IGSF9B: variants seen among roughly 807,000 people sequenced by gnomAD.
IGSF9B encodes the protein immunoglobulin superfamily member 9B.
In IGSF9B, 48 loss-of-function variants were observed where a neutral mutation model predicts 143.7. The observed-to-expected ratio is 0.33, with a 90% CI of 0.26 to 0.42. IGSF9B has a LOEUF of 0.42. Ranked by LOEUF, IGSF9B falls within the 20% of genes least tolerant of loss-of-function variation. The pLI, the probability that IGSF9B is intolerant of heterozygous loss-of-function variation, is 1.00. For missense variants in IGSF9B, 1,706 were observed against 1,980.0 expected (o/e 0.86, Z 2.63); for synonymous variants, 903 against 833.1 (o/e 1.08, Z -1.44).
rs1013665580 is a variant in IGSF9B at position 133,906,316 on chromosome 11, G to C, written c.*2753C>G. Reference sequence around the variant, plus strand: ...TCACCCTCTATCCACGGAGGGAACTGCGTTCCACCAATCCCATCGCCGTCC... The same window carrying C: ...TCACCCTCTATCCACGGAGGGAACTCCGTTCCACCAATCCCATCGCCGTCC... On this transcript the variant is annotated 3_prime_UTR_variant, in exon 20 of 20. Transcript: ENST00000533871. Among the ~76,000 whole-genome samples the C allele has an allele frequency of 2.2e-4, 33 of 152,224 alleles. No individual in the cohort carries two copies. Among genetic ancestry groups the C allele is most frequent in the African/African-American group, 8.0e-4 (33 of 41,452 alleles).
intron 2 of IGSF9B, 24 bp downstream of exon 2, chr11:133,946,037 G>C (rs1055110623): frequency 8.7e-6 from 13 of 1,502,024 alleles, no homozygotes; most frequent in Non-Finnish European, 1.1e-5. Flanking sequence ...GGAAGGTGCG[G>C]GAGACCGGGT....
chr11:133,935,590 C>T, intron 7 of IGSF9B, 27 bp downstream of exon 7: 1 of 1,596,266 alleles, frequency 6.3e-7, no homozygotes, highest in South Asian at 1.1e-5. Context: ...AGCCCCACCA[C>T]CCAGGCTCCC....
At chr11:133,911,500 A>T (rs1363387381) in intron 19 of IGSF9B, among the ~76,000 whole-genome samples, 2 of 152,234 alleles carry the variant, frequency 1.3e-5, no homozygotes, top group Non-Finnish European at 2.9e-5. Context: ...GTGGAAAAAT[A>T]GATCTGTACT....
intron 4 of IGSF9B, 115 bp downstream of exon 4, chr11:133,937,694 CT>C (rs1246350076): frequency 7.5e-7 from 1 of 1,329,220 alleles, no homozygotes; most frequent in East Asian, 2.5e-5. Context: ...CAGGCTACGG[CT>C]TTCCAGCCTC....
At chr11:133,943,754 C>A (rs1455923883) in intron 3 of IGSF9B, among the ~76,000 whole-genome samples, 1 of 152,174 alleles carries the variant, frequency 6.6e-6, no homozygotes, top group Non-Finnish European at 1.5e-5. Context: ...CACACTACAC[C>A]CTTGGTACAT....
At chr11:133,955,703 G>C (rs1172199041) in intron 1 of IGSF9B, among the ~76,000 whole-genome samples, 3 of 152,238 alleles carry the variant, frequency 2.0e-5, no homozygotes, top group Non-Finnish European at 4.4e-5. Context: ...CAAGGGCCGA[G>C]AGCCGGGGGT....
chr11:133,937,681 A>G, intron 4 of IGSF9B, 129 bp downstream of exon 4: 2 of 1,230,584 alleles, frequency 1.6e-6, no homozygotes, highest in Non-Finnish European at 2.3e-6. Flanking sequence ...CCTGCAGCTG[A>G]GCCAGGCTAC....
chr11:133,956,509 G>A (rs1053550565), intron 1 of IGSF9B, among the ~76,000 whole-genome samples, 182 bp downstream of exon 1: 2 of 95,044 alleles, frequency 2.1e-5, no homozygotes, highest in South Asian at 8.7e-4. Flanking sequence ...ACGGCCCCCA[G>A]GCCCTCCCCG....
At position 133,920,905 on chromosome 11, in the gene IGSF9B, G is replaced by A. The variant is rs199607489; in HGVS notation, c.2820C>T (p.Pro940=). 3,070 of 1,608,496 alleles carry A rather than the reference G, an allele frequency of 1.9e-3. 8 individuals are homozygous for A. Among genetic ancestry groups the A allele is most frequent in the Non-Finnish European group, 1.7e-3 (2,009 of 1,177,728 alleles). ...PRFQPRGLEG[P]GGLEGRLQAT... is the part of the protein sequence containing the mutation. ...CCTGAAGCCGACCTTCCAGGCCACCGGGGCCCTCCAGCCCGCGGGGCTGGA... is the reference window on the plus strand; with the variant it reads ...CCTGAAGCCGACCTTCCAGGCCACCAGGGCCCTCCAGCCCGCGGGGCTGGA... Residue 940 remains proline (P), a synonymous_variant, in exon 18 of 20, where the codon CCC becomes CCT. Coordinates refer to ENST00000533871, the MANE Select transcript of IGSF9B (RefSeq NM_001277285.4).
chr11:133,944,335 C>A lies in IGSF9B; in HGVS notation c.294G>T (p.Leu98=). 1 of 1,613,928 alleles carries A rather than the reference C, an allele frequency of 6.2e-7. No homozygotes were observed. ...CCTCAGAGCGAACTTGTTCCAGCCG[C>A]AGAGATGCCTTATCATGAAGACTGG... ...GRASLHDKAS[L]RLEQVRSEDQ... The change falls in exon 3 of 20, where the codon CTG becomes CTT. Residue 98 remains leucine (L), a synonymous_variant. Coordinates refer to ENST00000533871, the MANE Select transcript of IGSF9B (RefSeq NM_001277285.4).
In IGSF9B at chr11:133,909,040, G is replaced by A. The variant is rs947931976; in HGVS notation, c.*29C>T. ...CTCCCTGCCTGAGCCCAGCAACCTC[G>A]CCCCGGGGACACCTAGAGTGGGGTG... On this transcript the variant is annotated 3_prime_UTR_variant, in exon 20 of 20. Coordinates refer to ENST00000533871, the MANE Select transcript of IGSF9B (RefSeq NM_001277285.4). This position sits in a 1 kb window ranked among gnomAD's most constrained non-coding sequence, Gnocchi z 4.2. 16 of 1,524,398 alleles carry A rather than the reference G, an allele frequency of 1.0e-5. No homozygotes were observed. The highest frequency in any genetic ancestry group is 9.8e-5 in the Admixed American group (5 of 50,918). The allele number at this position is 1,524,398 out of a possible 1,614,324, so 94.4% of individuals were successfully genotyped here. A position where few individuals can be genotyped will look rare whatever the true frequency, so the allele number is the denominator to read the frequency against.
chr11:133,921,315 C>G lies in IGSF9B; in HGVS notation c.2410G>C (p.Ala804Pro), dbSNP rs769018429. 6.2e-7 allele frequency: 1 copy of G among 1,602,512 alleles called. No homozygotes were observed. The highest frequency in any genetic ancestry group is 1.7e-5 in the Admixed American group (1 of 59,136). The change falls in exon 18 of 20, where the codon GCG (alanine) becomes CCG (proline). Residue 804 changes from alanine to proline, a missense_variant. By Grantham distance (27) the Ala-to-Pro change is conservative. This residue lies in a region of IGSF9B where 135 missense variants were observed against 181.3 expected (regional missense o/e 0.74). Transcript: ENST00000533871. ...SESSDDQGQP[A>P]AKRMLSPTRE... ...GTGGGGCTCAGCATCCTCTTGGCCG[C>G]GGGCTGGCCCTGGTCGTCGGAGGAT...
chr11:133,946,342 C>A, intron 1 of IGSF9B, 84 bp from the exon 2 acceptor site: 1 of 1,205,836 alleles, frequency 8.3e-7, no homozygotes, highest in South Asian at 1.4e-5. Context: ...GTCACAGGGT[C>A]ACCCCGCCCC....
chr11:133,925,636 G>T lies in IGSF9B; in HGVS notation c.2034+103C>A, dbSNP rs1279152121. On this transcript the variant is annotated intron_variant, in intron 14 of 19. Transcript: ENST00000533871. ...GGTGAGGAGGTACAGGATGTGGCTGGCCTCACACACCCAAAGTTGGTCACT... is the reference window on the plus strand; with the variant it reads ...GGTGAGGAGGTACAGGATGTGGCTGTCCTCACACACCCAAAGTTGGTCACT... The T allele has an allele frequency of 8.4e-6, 7 of 833,218 alleles. No individual in the cohort carries two copies. In the East Asian group the frequency reaches 1.6e-4, roughly 19 times the overall value. The allele number at this position is 833,218 out of a possible 1,614,324, so 51.6% of individuals were successfully genotyped here. A position where few individuals can be genotyped will look rare whatever the true frequency, so the allele number is the denominator to read the frequency against.
At chr11:133,914,010 G>A (rs762244227) in intron 18 of IGSF9B, among the ~76,000 whole-genome samples, 6 of 152,162 alleles carry the variant, frequency 3.9e-5, no homozygotes, top group Admixed American at 3.3e-4. Flanking sequence ...GAGAGAAACC[G>A]GTACAGGGTG....
chr11:133,919,054 T>G, intron 18 of IGSF9B: 1 of 492,980 alleles, frequency 2.0e-6, no homozygotes, highest in Non-Finnish European at 4.1e-6. Flanking sequence ...GTTTAGAGAG[T>G]GCTCTCTCAG....
At chr11:133,939,254 TA>T (rs1939878525) in intron 3 of IGSF9B, among the ~76,000 whole-genome samples, 1 of 152,204 alleles carries the variant, frequency 6.6e-6, no homozygotes, top group South Asian at 2.1e-4. Flanking sequence ...AAGTCTTTGC[TA>T]AAATGCTGCC....
In IGSF9B at chr11:133,948,525, G is replaced by C. The variant is rs1338821962; in HGVS notation, c.65-2267C>G. ...CCACAGCCCCAGGGGCCCTCAGCAG[G>C]AGAGGCTGCCTCCCAGCAGCCAGGA... On this transcript the variant is annotated intron_variant, in intron 1 of 19. Coordinates refer to ENST00000533871, the MANE Select transcript of IGSF9B (RefSeq NM_001277285.4). The surrounding 1 kb of genome is among the most constrained non-coding windows in gnomAD (Gnocchi z 4.7). 6.6e-6 allele frequency among the ~76,000 whole-genome samples: 1 copy of C among 152,084 alleles called. No individual in the cohort carries two copies. The highest frequency in any genetic ancestry group is 1.5e-5 in the Non-Finnish European group (1 of 68,020).
At chr11:133,938,238 C>A in intron 3 of IGSF9B, 1 of 351,326 alleles carries the variant, frequency 2.8e-6, no homozygotes, top group South Asian at 4.6e-5. Flanking sequence ...CCCTTACAAA[C>A]ACTGCCTGCT....
Sources: allele counts gnomAD v4.1 joint callset (sites outside exome capture counted in the v4.1 genomes callset), GRCh38; gene constraint gnomAD v4.1.1; regional missense constraint gnomAD v4.1.1; non-coding constraint Gnocchi (gnomAD v3.1); transcripts MANE v1.5; gene names NCBI Gene and HGNC (gene_info 2026-07-23, HGNC 2026-07-21).